CELSR1: variants seen among roughly 807,000 people sequenced by gnomAD.
CELSR1 encodes the protein cadherin EGF LAG seven-pass G-type receptor 1, also known as adhesion G protein-coupled receptor C1.
A neutral mutation model predicts 249.1 loss-of-function variants in CELSR1; 110 were observed. The ratio of observed to expected loss-of-function variants is 0.44; its 90% CI spans 0.38 to 0.52. The LOEUF is 0.52. CELSR1 is among the 20% of genes least tolerant of loss of function. The pLI is 0.00. For synonymous variants in CELSR1, 2,113 were observed against 1,900.0 expected, an observed-to-expected ratio of 1.11 and a Z score of -2.92; for missense variants, 4,109 against 4,296.4, an observed-to-expected ratio of 0.96 and a Z score of 1.22.
At chr22:46,366,844 C>T in intron 29 of CELSR1, 149 bp downstream of exon 29, 3 of 1,154,162 alleles carry the variant, frequency 2.6e-6, no homozygotes, top group South Asian at 1.6e-5. Context: ...TCTGACGCGG[C>T]AGCCACACCG....
chr22:46,527,807 C>T lies in CELSR1; in HGVS notation c.3544+5820G>A, dbSNP rs371682904. 5.9e-5 allele frequency among the ~76,000 whole-genome samples: 9 copies of T among 152,256 alleles called. No individual in the cohort carries two copies. Among genetic ancestry groups the T allele is most frequent in the East Asian group, 1.9e-4 (1 of 5,176 alleles). On this transcript the variant is annotated intron_variant, in intron 1 of 34. Coordinates refer to ENST00000674500, the MANE Select transcript of CELSR1 (RefSeq NM_001378328.1). The surrounding 1 kb of genome is among the most constrained non-coding windows in gnomAD (Gnocchi z 5.5). ...GCCACTGAAGCAATTTAAGATGGTC[C>T]GACCCAGGCTGGGAGCGGTGGCTCA...
rs1371299831 is a variant in CELSR1, at chr22:46,363,305, TGGGGCCCAA to T, written c.9036-67_9036-59del. On this transcript the variant is annotated intron_variant, in intron 34 of 34. Coordinates refer to ENST00000674500, the MANE Select transcript of CELSR1 (RefSeq NM_001378328.1). The surrounding 1 kb of genome is among the most constrained non-coding windows in gnomAD (Gnocchi z 4.3). ...AGGGTCAGTGAGGGTAGCGGCTTGG[TGGGGCCCAA>T]GGTTGTCACACGGGGGGGCAGGATC... 3.4e-5 allele frequency: 51 copies of T among 1,481,202 alleles called. No individual in the cohort carries two copies. The African/African-American group carries it at 6.5e-4, about 19-fold the overall frequency. The allele number at this position is 1,481,202 out of a possible 1,614,324, so 91.8% of individuals were successfully genotyped here.
chr22:46,398,420 T>C lies in CELSR1; in HGVS notation c.5526+104A>G. 1.4e-6 allele frequency: 1 copy of C among 727,334 alleles called. No individual in the cohort carries two copies. Among genetic ancestry groups the C allele is most frequent in the South Asian group, 1.9e-5 (1 of 52,764 alleles). The allele number at this position is 727,334 out of a possible 1,614,324, so 45.1% of individuals were successfully genotyped here. ...GCCTGTCAGACAAATTCTTCACTCG[T>C]TGAAAGCTAACAGGTTGACCAACGG... On this transcript the variant is annotated intron_variant, in intron 11 of 34. Transcript: ENST00000674500. This position sits in a 1 kb window ranked among gnomAD's most constrained non-coding sequence, Gnocchi z 7.2.
At chr22:46,416,802 C>T (rs2079407852) in intron 5 of CELSR1, among the ~76,000 whole-genome samples, 1 of 152,172 alleles carries the variant, frequency 6.6e-6, no homozygotes, top group Non-Finnish European at 1.5e-5. Flanking sequence ...TCCTTGGCTT[C>T]CACTCAGCCG....
rs967679789 is a variant in CELSR1, at chr22:46,409,677, C to T, written c.5059+78G>A. Reference sequence around the variant, plus strand: ...CGGACCTGGATGTGAAGCCCCCTCACGGTGGTCCCGGGCACATCAAGGAGC... The same window carrying T: ...CGGACCTGGATGTGAAGCCCCCTCATGGTGGTCCCGGGCACATCAAGGAGC... On this transcript the variant is annotated intron_variant, in intron 8 of 34. Coordinates refer to ENST00000674500, the MANE Select transcript of CELSR1 (RefSeq NM_001378328.1). This position sits in a 1 kb window ranked among gnomAD's most constrained non-coding sequence, Gnocchi z 9.8. The T allele has an allele frequency of 9.7e-5, 152 of 1,571,140 alleles. No homozygotes were observed. The Admixed American group carries it at 2.3e-3, about 24-fold the overall frequency.
At chr22:46,477,933 G>A (rs534839763) in intron 1 of CELSR1, among the ~76,000 whole-genome samples, 8 of 152,266 alleles carry the variant, frequency 5.3e-5, no homozygotes, top group Non-Finnish European at 8.8e-5. Flanking sequence ...CCAGCCCCCG[G>A]GAGGATGCTG....
chr22:46,385,682 T>C (rs1343856805), intron 19 of CELSR1, among the ~76,000 whole-genome samples: 4 of 150,726 alleles, frequency 2.7e-5, no homozygotes, highest in African/African-American at 9.8e-5. Flanking sequence ...ATATTTTTTT[T>C]TTTTTTTTTT....
chr22:46,366,558 C>T (rs943319891), intron 29 of CELSR1, 78 bp from the exon 30 acceptor site: 25 of 1,179,228 alleles, frequency 2.1e-5, no homozygotes, highest in African/African-American at 3.1e-5. Context: ...TCTGTCCCCA[C>T]GGCAAGCCCC....
chr22:46,391,427 C>T lies in CELSR1; in HGVS notation c.6149-140G>A. 1 of 905,486 alleles carries T rather than the reference C, an allele frequency of 1.1e-6. No homozygotes were observed. The highest frequency in any genetic ancestry group is 1.6e-6 in the Non-Finnish European group (1 of 608,120). The allele number at this position is 905,486 out of a possible 1,614,324, so 56.1% of individuals were successfully genotyped here. On this transcript the variant is annotated intron_variant, in intron 15 of 34. Coordinates refer to ENST00000674500, the MANE Select transcript of CELSR1 (RefSeq NM_001378328.1). This position sits in a 1 kb window ranked among gnomAD's most constrained non-coding sequence, Gnocchi z 4.3. ...CGAACCCTAGCATCTCCCCTGCCCC[C>T]ATCCATGTCAGAGCTGGAGAGGGGT...
Position 46,534,510 on chromosome 22 carries a change from G to C in CELSR1, c.2661C>G (p.Asp887Glu). 1 of 1,613,426 alleles carries C rather than the reference G, an allele frequency of 6.2e-7. No homozygotes were observed. ...AATCCCACAGGAACTGGGGTGCATT[G>C]TCATTGGCATCGAGGATGAGGATCT... ...TLEILILDAN[D>E]NAPQFLWDFY... is the part of the protein sequence containing the mutation. Residue 887 changes from aspartate (D) to glutamate (E), a missense_variant, in exon 1 of 35, where the codon GAC (aspartate) becomes GAG (glutamate). By Grantham distance (45) the Asp-to-Glu change is conservative. This residue lies in a region of CELSR1 where 886 missense variants were observed against 896.5 expected (regional missense o/e 0.99). Transcript: ENST00000674500. The surrounding 1 kb of genome is among the most constrained non-coding windows in gnomAD (Gnocchi z 9.7).
At chr22:46,400,412 C>G (rs1445921107) in intron 9 of CELSR1, among the ~76,000 whole-genome samples, 1 of 149,226 alleles carries the variant, frequency 6.7e-6, no homozygotes, top group South Asian at 2.1e-4. Flanking sequence ...CCACAGCAGG[C>G]GGATCACCTG....
Position 46,398,449 on chromosome 22 carries a change from C to T in CELSR1, c.5526+75G>A. ...AAGCTAACAGGTTGACCAACGGAAC[C>T]ACCTATGGTGCTGCCAGCCTCGGAG... On this transcript the variant is annotated intron_variant, in intron 11 of 34. Transcript: ENST00000674500. The surrounding 1 kb of genome is among the most constrained non-coding windows in gnomAD (Gnocchi z 7.2). 1 of 1,041,656 alleles carries T rather than the reference C, an allele frequency of 9.6e-7. No individual in the cohort carries two copies. Among genetic ancestry groups the T allele is most frequent in the South Asian group, 1.5e-5 (1 of 65,246 alleles). 64.5% of individuals were successfully genotyped at this position (1,041,656 alleles called of 1,614,324 possible).
chr22:46,532,092 G>A (rs573818299), intron 1 of CELSR1, among the ~76,000 whole-genome samples: 8 of 152,194 alleles, frequency 5.3e-5, no homozygotes, highest in East Asian at 1.9e-4. Context: ...GGCTAACAGC[G>A]GGGGGGCCCA....
In CELSR1 at chr22:46,428,366, C is replaced by T. The variant is rs1018445086; in HGVS notation, c.4611+5027G>A. 9.2e-5 allele frequency among the ~76,000 whole-genome samples: 14 copies of T among 152,352 alleles called. 1 individual carries two copies. The highest frequency in any genetic ancestry group is 8.3e-4 in the South Asian group (4 of 4,828). ...ATGGCGATCGCGACCAGCACAGCAT[C>T]GTCCCCGGCCAGGTGACGGATGCCG... On this transcript the variant is annotated intron_variant, in intron 5 of 34. Coordinates refer to ENST00000674500, the MANE Select transcript of CELSR1 (RefSeq NM_001378328.1). This position sits in a 1 kb window ranked among gnomAD's most constrained non-coding sequence, Gnocchi z 5.7.
At chr22:46,435,279 A>AAAT (rs1491093378) in intron 4 of CELSR1, among the ~76,000 whole-genome samples, 3 of 108,392 alleles carry the variant, frequency 2.8e-5, no homozygotes, top group African/African-American at 8.8e-5. Flanking sequence ...AAAAAAAAAA[A>AAAT]TTTTTTTTTT....
rs1321861309 is a variant in CELSR1, at chr22:46,428,044, A to G, written c.4611+5349T>C. Among the ~76,000 whole-genome samples the G allele has an allele frequency of 6.6e-6, 1 of 152,192 alleles. No individual in the cohort carries two copies. The highest frequency in any genetic ancestry group is 1.5e-5 in the Non-Finnish European group (1 of 68,030). On this transcript the variant is annotated intron_variant, in intron 5 of 34. Transcript: ENST00000674500. This position sits in a 1 kb window ranked among gnomAD's most constrained non-coding sequence, Gnocchi z 5.7. The stretch of plus-strand genomic sequence containing the variant: ...GGTTTTGAATGACCTGACAAGCAAC[A>G]GGTGAGCAATCCCTAATGACAGCAG...
intron 3 of CELSR1, 76 bp downstream of exon 3, chr22:46,439,113 G>A: frequency 5.9e-6 from 8 of 1,366,282 alleles, no homozygotes; most frequent in Non-Finnish European, 6.1e-6. Flanking sequence ...TCACGATCTA[G>A]AGGGATGGGG....
At position 46,384,772 on chromosome 22, in the gene CELSR1, C is replaced by G. The variant is rs1054906905; in HGVS notation, c.6740-86G>C. 2.8e-5 allele frequency: 38 copies of G among 1,369,334 alleles called. No homozygotes were observed. In the African/African-American group the frequency reaches 5.0e-4, roughly 18 times the overall value. 84.8% of individuals were successfully genotyped at this position (1,369,334 alleles called of 1,614,324 possible). A position where few individuals can be genotyped will look rare whatever the true frequency, so the allele number is the denominator to read the frequency against. ...TTTCAAAATGACCACAACTGTCACA[C>G]TGACGCTGGCTGGCCATATTTATTT... On this transcript the variant is annotated intron_variant, in intron 19 of 34. Transcript: ENST00000674500.
In CELSR1 at chr22:46,436,118, C is replaced by G; in HGVS notation, c.4522+56G>C. 6.9e-7 allele frequency: 1 copy of G among 1,450,840 alleles called. No homozygotes were observed. Among genetic ancestry groups the G allele is most frequent in the Non-Finnish European group, 9.6e-7 (1 of 1,036,474 alleles). 89.9% of individuals were successfully genotyped at this position (1,450,840 alleles called of 1,614,324 possible). ...CTGCACAGGGCGAGGGTCGTTTTAA[C>G]CCACAAAGTATCTGTGAATTGCTCA... On this transcript the variant is annotated intron_variant, in intron 4 of 34. Transcript: ENST00000674500. This position sits in a 1 kb window ranked among gnomAD's most constrained non-coding sequence, Gnocchi z 5.9.
Sources: allele counts gnomAD v4.1 joint callset (sites outside exome capture counted in the v4.1 genomes callset), GRCh38; gene constraint gnomAD v4.1.1; regional missense constraint gnomAD v4.1.1; non-coding constraint Gnocchi (gnomAD v3.1); transcripts MANE v1.5; gene names NCBI Gene and HGNC (gene_info 2026-07-23, HGNC 2026-07-21).